MFN2: variants seen among roughly 807,000 people sequenced by gnomAD.
MFN2 encodes the protein mitofusin 2, also known as mitofusin-2.
Under a neutral mutation model 87.5 loss-of-function variants are expected in MFN2, and 43 were observed. That is an observed-to-expected ratio of 0.49 (90% CI 0.38 to 0.63). The LOEUF (loss-of-function observed/expected upper bound fraction) is 0.63, where lower values mean the gene tolerates loss of function less well. Ranked by LOEUF, MFN2 falls within the 30% of genes least tolerant of loss-of-function variation. The pLI is 0.00. For missense variants in MFN2, 743 were observed against 972.8 expected, an observed-to-expected ratio of 0.76 and a Z score of 3.14; for synonymous variants, 337 against 359.9, an observed-to-expected ratio of 0.94 and a Z score of 0.72.
chr1:11,989,449 C>G, intron 3 of MFN2, 106 bp downstream of exon 3: 1 of 1,278,732 alleles, frequency 7.8e-7, no homozygotes, highest in Non-Finnish European at 1.1e-6. Flanking sequence ...GAAGTCATAA[C>G]CAGATAGCCT....
At chr1:11,996,357 G>C in intron 5 of MFN2, 39 bp downstream of exon 5, 1 of 1,612,456 alleles carries the variant, frequency 6.2e-7, no homozygotes, top group Non-Finnish European at 8.5e-7. Flanking sequence ...TGTGCCTGCT[G>C]GGGGAGCAAG....
intron 16 of MFN2, 23 bp downstream of exon 16, chr1:12,006,716 G>A: frequency 1.3e-6 from 2 of 1,569,140 alleles, no homozygotes; most frequent in Non-Finnish European, 1.7e-6. Flanking sequence ...TTCTGCTCGG[G>A]AAGGTGGGGG....
At chr1:11,993,772 T>G (rs1012008203) in intron 4 of MFN2, among the ~76,000 whole-genome samples, 24 of 151,658 alleles carry the variant, frequency 1.6e-4, no homozygotes, top group African/African-American at 5.6e-4. Flanking sequence ...GTTAAATACG[T>G]GTTTTTTTTG....
chr1:11,998,904 A>C (rs753433739), intron 7 of MFN2, 26 bp downstream of exon 7: 1 of 1,613,408 alleles, frequency 6.2e-7, no homozygotes, highest in South Asian at 1.1e-5. Flanking sequence ...CCTTCTCCCA[A>C]GCTCCCAGCA....
Position 12,004,125 on chromosome 1 carries a change from A to G in MFN2, c.1287+7A>G. On this transcript the variant is annotated splice_region_variant and intron_variant, in intron 12 of 18. Coordinates refer to ENST00000235329, the MANE Select transcript of MFN2 (RefSeq NM_014874.4). The surrounding 1 kb of genome is among the most constrained non-coding windows in gnomAD (Gnocchi z 4.2). ...GGAGGAAGTGGAGAGGCAGGTGAGA[A>G]ATGAGGAGGAGGCATTCTGGGAAGA... 1 of 1,613,894 alleles carries G rather than the reference A, an allele frequency of 6.2e-7. No individual in the cohort carries two copies. The highest frequency in any genetic ancestry group is 1.1e-5 in the South Asian group (1 of 91,066).
chr1:11,991,923 C>CAAAAAAAAAAAA (rs35314016), intron 3 of MFN2, among the ~76,000 whole-genome samples: 20 of 16,732 alleles, frequency 1.2e-3, no homozygotes, highest in Non-Finnish European at 1.6e-3. Flanking sequence ...GACTCCGTCT[C>CAAAAAAAAAAAA]AAAAAAAAAA....
At chr1:11,981,637 A>G (rs1645986095) in intron 1 of MFN2, among the ~76,000 whole-genome samples, 1 of 152,226 alleles carries the variant, frequency 6.6e-6, no homozygotes, top group South Asian at 2.1e-4. Flanking sequence ...CAGCTGTTCC[A>G]CAGTCCTCAA....
intron 4 of MFN2, among the ~76,000 whole-genome samples, chr1:11,995,177 A>C (rs1167855265): frequency 6.6e-6 from 1 of 151,582 alleles, no homozygotes; most frequent in Non-Finnish European, 1.5e-5. Flanking sequence ...TGGGAGGATC[A>C]TTGAGCCCTG....
chr1:11,998,103 T>G (rs373789539), intron 6 of MFN2, among the ~76,000 whole-genome samples: 3 of 151,062 alleles, frequency 2.0e-5, no homozygotes, highest in East Asian at 2.0e-4. Context: ...AGGCTGGTCT[T>G]GAACTGCTGA....
At chr1:12,001,736 T>C in intron 9 of MFN2, 33 bp from the exon 10 acceptor site, 1 of 1,613,322 alleles carries the variant, frequency 6.2e-7, no homozygotes, top group Non-Finnish European at 8.5e-7. Context: ...GCTGCCAAGT[T>C]GTTTCTGGAC....
chr1:11,990,484 G>GAGCCCAGACTAACCCTCTTGGA (rs1377052901), intron 3 of MFN2, among the ~76,000 whole-genome samples: 1 of 152,220 alleles, frequency 6.6e-6, no homozygotes, highest in Non-Finnish European at 1.5e-5. Context: ...TCCCCTCTGG[G>GAGCCCAGACTAACCCTCTTGGA]AGCCCAGACT....
chr1:12,007,168 G>A lies in MFN2; in HGVS notation c.1988G>A (p.Arg663His), dbSNP rs766735605. 48 of 1,614,158 alleles carry A rather than the reference G, an allele frequency of 3.0e-5. No homozygotes were observed. Among genetic ancestry groups the A allele is most frequent in the South Asian group, 4.4e-5 (4 of 91,090 alleles). ...TTKAKERAFK[R>H]QFVEHASEKL... ...AAGGCCAAGGAGAGGGCCTTCAAGCGCCAGTTTGTGGAGCATGCCAGCGAG... is the reference window on the plus strand; with the variant it reads ...AAGGCCAAGGAGAGGGCCTTCAAGCACCAGTTTGTGGAGCATGCCAGCGAG... Residue 663 changes from arginine to histidine, a missense_variant, in exon 17 of 19, where the codon CGC becomes CAC. By Grantham distance (29) the Arg-to-His change is conservative. Coordinates refer to ENST00000235329, the MANE Select transcript of MFN2 (RefSeq NM_014874.4).
intron 6 of MFN2, 136 bp downstream of exon 6, chr1:11,997,557 A>C (rs1638966911): frequency 8.2e-7 from 1 of 1,226,548 alleles, no homozygotes; most frequent in African/African-American, 1.5e-5. Flanking sequence ...GGGCTCAACC[A>C]AATCCTCTGG....
intron 3 of MFN2, chr1:11,992,189 G>T (rs188179100): frequency 8.8e-5 from 24 of 271,638 alleles, no homozygotes; most frequent in Admixed American, 5.8e-4. Flanking sequence ...TCTACCAGCC[G>T]CCATTCACAG....
chr1:11,991,627 C>T (rs1240517482), intron 3 of MFN2, among the ~76,000 whole-genome samples: 1 of 152,098 alleles, frequency 6.6e-6, no homozygotes, highest in Non-Finnish European at 1.5e-5. Context: ...GGGAGGGCCT[C>T]AAGAAGTGAC....
intron 6 of MFN2, among the ~76,000 whole-genome samples, chr1:11,998,146 T>C (rs2100829788): frequency 6.6e-6 from 1 of 151,788 alleles, no homozygotes; most frequent in East Asian, 2.0e-4. Context: ...CCTCCCAAAG[T>C]GCTGGGATTA....
intron 2 of MFN2, among the ~76,000 whole-genome samples, 172 bp from the exon 3 acceptor site, chr1:11,988,993 C>T (rs1474026815): frequency 6.6e-6 from 1 of 152,072 alleles, no homozygotes; most frequent in African/African-American, 2.4e-5. Context: ...TGAGCCACCG[C>T]GCCCAGCCTG....
chr1:11,987,764 A>G (rs1268627874), intron 2 of MFN2, among the ~76,000 whole-genome samples: 1 of 152,138 alleles, frequency 6.6e-6, no homozygotes, highest in Non-Finnish European at 1.5e-5. Flanking sequence ...CCTGGGCAAC[A>G]TAAGAAGACC....
At chr1:11,989,695 C>T (rs571660663) in intron 3 of MFN2, among the ~76,000 whole-genome samples, 21 of 152,298 alleles carry the variant, frequency 1.4e-4, no homozygotes, top group East Asian at 5.8e-4. Context: ...TCTCCAACTC[C>T]GGAGCCCACG....
Sources: allele counts gnomAD v4.1 joint callset (sites outside exome capture counted in the v4.1 genomes callset), GRCh38; gene constraint gnomAD v4.1.1; non-coding constraint Gnocchi (gnomAD v3.1); transcripts MANE v1.5; gene names NCBI Gene and HGNC (gene_info 2026-07-23, HGNC 2026-07-21).